Variants in PARM1 observed in about 807,000 individuals in gnomAD.
PARM1 encodes the protein prostate androgen-regulated mucin-like protein 1.
A neutral mutation model predicts 24.6 loss-of-function variants in PARM1; 14 were observed. That is an observed-to-expected ratio of 0.57 (90% confidence interval 0.38 to 0.89). The LOEUF (loss-of-function observed/expected upper bound fraction) is 0.89, where lower values mean the gene tolerates loss of function less well. Ranked by LOEUF, PARM1 falls within the 40% of genes least tolerant of loss-of-function variation. PARM1 has a pLI of 0.00. For synonymous variants in PARM1, 179 were observed against 156.6 expected, an observed-to-expected ratio of 1.14 and a Z score of -1.07; for missense variants, 362 against 380.4, an observed-to-expected ratio of 0.95 and a Z score of 0.40.
intron 2 of PARM1, among the ~76,000 whole-genome samples, chr4:75,023,334 G>C (rs78752352): frequency 0.015 from 2,332 of 152,274 alleles, 35 homozygotes; most frequent in South Asian, 0.063. Context: ...GGTAATTATA[G>C]TACTGTACCT....
At chr4:74,948,210 A>G (rs1214041756) in intron 1 of PARM1, among the ~76,000 whole-genome samples, 7 of 152,212 alleles carry the variant, frequency 4.6e-5, no homozygotes, top group Non-Finnish European at 8.8e-5. Context: ...CCTCCCAGGT[A>G]TGAGCACATA....
chr4:75,038,157 C>A (rs962781091), intron 3 of PARM1, among the ~76,000 whole-genome samples: 2 of 152,138 alleles, frequency 1.3e-5, no homozygotes, highest in African/African-American at 4.8e-5. Flanking sequence ...CCTGGTGATC[C>A]GCCCACCTTG....
At chr4:75,002,286 A>G (rs1256389904) in intron 1 of PARM1, among the ~76,000 whole-genome samples, 1 of 152,218 alleles carries the variant, frequency 6.6e-6, no homozygotes. Flanking sequence ...TGGGCTTTGT[A>G]AAATTCTGAT....
chr4:75,033,920 G>A lies in PARM1; in HGVS notation c.807G>A (p.Val269=), dbSNP rs1723321240. The change falls in exon 3 of 4, where the codon GTG becomes GTA. Residue 269 remains valine (V), a synonymous_variant. Transcript: ENST00000307428. ...CCATTACCGTGACAGTCATTGCCGT[G>A]GTGCTGCTGGTGTTTGGAGTTGCAG... ...IAAITVTVIA[V]VLLVFGVAAY... is the part of the protein sequence containing the mutation. The A allele has an allele frequency of 6.2e-7, 1 of 1,603,794 alleles. No homozygotes were observed. Among genetic ancestry groups the A allele is most frequent in the Non-Finnish European group, 8.5e-7 (1 of 1,175,134 alleles).
intron 1 of PARM1, among the ~76,000 whole-genome samples, chr4:74,966,282 A>C (rs1470346305): frequency 6.6e-6 from 1 of 152,164 alleles, no homozygotes; most frequent in Admixed American, 6.5e-5. Flanking sequence ...ATTCAGGACT[A>C]TTGCAATATG....
chr4:75,004,226 C>T (rs1189237424), intron 1 of PARM1, among the ~76,000 whole-genome samples: 1 of 152,200 alleles, frequency 6.6e-6, no homozygotes, highest in African/African-American at 2.4e-5. Context: ...CATGTTTCTA[C>T]TCAATGAATA....
chr4:74,964,552 A>AGC, intron 1 of PARM1, among the ~76,000 whole-genome samples: 1 of 126,920 alleles, frequency 7.9e-6, no homozygotes, highest in South Asian at 2.1e-4. Flanking sequence ...CACCTGGCAA[A>AGC]GCACACACAC....
At chr4:75,002,642 ACATT>A (rs1400206015) in intron 1 of PARM1, among the ~76,000 whole-genome samples, 1 of 152,174 alleles carries the variant, frequency 6.6e-6, no homozygotes, top group African/African-American at 2.4e-5. Context: ...CACTGGCAGA[ACATT>A]CAAAGTGATG....
chr4:75,001,397 A>C (rs1722677536), intron 1 of PARM1, among the ~76,000 whole-genome samples: 1 of 152,244 alleles, frequency 6.6e-6, no homozygotes, highest in Non-Finnish European at 1.5e-5. Flanking sequence ...ATTTATATGA[A>C]GTTCAGATAC....
chr4:75,037,614 CTT>C (rs976233547), intron 3 of PARM1, among the ~76,000 whole-genome samples: 1 of 152,166 alleles, frequency 6.6e-6, no homozygotes, highest in Non-Finnish European at 1.5e-5. Flanking sequence ...TTGGATGTGA[CTT>C]ATAAAATGAA....
chr4:75,015,961 A>G (rs1048619453), intron 2 of PARM1, among the ~76,000 whole-genome samples: 1 of 152,244 alleles, frequency 6.6e-6, no homozygotes, highest in African/African-American at 2.4e-5. Flanking sequence ...AGTGGCAGTA[A>G]TAACACCACA....
chr4:75,021,722 G>C (rs1476440472), intron 2 of PARM1, among the ~76,000 whole-genome samples: 1 of 152,016 alleles, frequency 6.6e-6, no homozygotes, highest in African/African-American at 2.4e-5. Flanking sequence ...TTGGTTTTCT[G>C]TTCCTGCATT....
intron 1 of PARM1, among the ~76,000 whole-genome samples, chr4:74,964,577 A>ACT (rs1553968737): frequency 6.6e-6 from 1 of 152,044 alleles, no homozygotes; most frequent in African/African-American, 2.4e-5. Flanking sequence ...ACACACACAC[A>ACT]CATTGCATCC....
intron 2 of PARM1, among the ~76,000 whole-genome samples, chr4:75,030,831 C>T (rs1723259863): frequency 6.6e-6 from 1 of 152,136 alleles, no homozygotes; most frequent in African/African-American, 2.4e-5. Context: ...AAGCCAGAGG[C>T]TCCCCTGCCC....
chr4:75,015,505 A>G (rs1349686808), intron 2 of PARM1, among the ~76,000 whole-genome samples: 3 of 152,190 alleles, frequency 2.0e-5, no homozygotes, highest in Non-Finnish European at 4.4e-5. Context: ...ACTAAATCAA[A>G]AAATATTTAG....
chr4:74,995,275 A>G (rs1722555529), intron 1 of PARM1, among the ~76,000 whole-genome samples: 1 of 152,190 alleles, frequency 6.6e-6, no homozygotes, highest in Non-Finnish European at 1.5e-5. Context: ...TAGGCAGAGT[A>G]CAAATAGGCA....
chr4:75,025,765 G>A (rs1723172967), intron 2 of PARM1, among the ~76,000 whole-genome samples: 1 of 152,188 alleles, frequency 6.6e-6, no homozygotes. Flanking sequence ...TTAACTACAA[G>A]CTTTAGGTAG....
chr4:74,966,044 C>A (rs918176322), intron 1 of PARM1, among the ~76,000 whole-genome samples: 1 of 152,132 alleles, frequency 6.6e-6, no homozygotes, highest in Non-Finnish European at 1.5e-5. Context: ...GGTGAGGGAG[C>A]ACATAGCAAC....
intron 2 of PARM1, among the ~76,000 whole-genome samples, chr4:75,019,125 T>C (rs191302666): frequency 1.3e-5 from 2 of 152,318 alleles, no homozygotes; most frequent in Non-Finnish European, 2.9e-5. Flanking sequence ...TGTTTGGCTC[T>C]TAAAGGAAGA....
Sources: allele counts gnomAD v4.1 joint callset (sites outside exome capture counted in the v4.1 genomes callset), GRCh38; gene constraint gnomAD v4.1.1; transcripts MANE v1.5; gene names NCBI Gene and HGNC (gene_info 2026-07-23, HGNC 2026-07-21).